Variants in GPR160 observed in about 807,000 individuals in gnomAD.
The protein encoded by GPR160 is probable G protein-coupled receptor 160.
GPR160 carries 2 observed loss-of-function variants against 2.6 expected under a neutral mutation model. The observed-to-expected ratio is 0.77, with a 90% CI of 0.32 to 2.44. GPR160 has a LOEUF of 2.44. Among genes scored for constraint, GPR160 ranks in the 30% most tolerant of loss-of-function variants. The pLI, the probability that GPR160 is intolerant of heterozygous loss-of-function variation, is 0.11. For missense variants in GPR160, 351 were observed against 383.6 expected, an observed-to-expected ratio of 0.91 and a Z score of 0.71; for synonymous variants, 130 against 132.2, an observed-to-expected ratio of 0.98 and a Z score of 0.12.
chr3:170,064,870 C>T (rs1260064830), intron 2 of GPR160, among the ~76,000 whole-genome samples: 1 of 152,110 alleles, frequency 6.6e-6, no homozygotes, highest in Non-Finnish European at 1.5e-5. Flanking sequence ...CCTGGTGTCT[C>T]CTGCCCACCC....
At chr3:170,080,048 T>C (rs1713045785) in intron 3 of GPR160, among the ~76,000 whole-genome samples, 151 bp downstream of exon 3, 2 of 152,228 alleles carry the variant, frequency 1.3e-5, no homozygotes, top group Non-Finnish European at 2.9e-5. Flanking sequence ...TGAAAAGGAC[T>C]TTCATGTTAA....
intron 2 of GPR160, among the ~76,000 whole-genome samples, chr3:170,061,907 G>GGGCCTTT (rs1453078693): frequency 6.6e-6 from 1 of 152,140 alleles, no homozygotes; most frequent in Non-Finnish European, 1.5e-5. Context: ...CCAGCACTTT[G>GGGCCTTT]GGAGGCGGAG....
intron 3 of GPR160, among the ~76,000 whole-genome samples, chr3:170,080,539 G>T (rs916682555): frequency 3.3e-5 from 5 of 152,112 alleles, no homozygotes; most frequent in Non-Finnish European, 7.3e-5. Flanking sequence ...GGTGGCTGTA[G>T]CTGATTCTCT....
chr3:170,038,147 T>G lies in GPR160; in HGVS notation c.-390T>G, dbSNP rs1223554801. ...GGGCCCTCGCCCCTCCCTCGGGCGG[T>G]CACCTGGGCACGGGCGCTGCAGGTG... On this transcript the variant is annotated 5_prime_UTR_variant, in exon 1 of 4. Coordinates refer to ENST00000355897, the MANE Select transcript of GPR160 (RefSeq NM_014373.3). This position sits in a 1 kb window ranked among gnomAD's most constrained non-coding sequence, Gnocchi z 5.3. 1.3e-5 allele frequency: 2 copies of G among 152,430 alleles called. No homozygotes were observed. The highest frequency in any genetic ancestry group is 4.8e-5 in the African/African-American group (2 of 41,346). The allele number at this position is 152,430 out of a possible 1,614,324, so 9.4% of individuals were successfully genotyped here. A position where few individuals can be genotyped will look rare whatever the true frequency, so the allele number is the denominator to read the frequency against.
chr3:170,045,629 AGTG>A (rs952209465), intron 2 of GPR160, among the ~76,000 whole-genome samples: 46 of 152,060 alleles, frequency 3.0e-4, no homozygotes, highest in African/African-American at 1.1e-3. Context: ...AAAAAAAAGA[AGTG>A]AGTTCAGAGG....
chr3:170,084,785 A>G lies in GPR160; in HGVS notation c.813A>G (p.Ala271=). 6.2e-7 allele frequency: 1 copy of G among 1,602,510 alleles called. No homozygotes were observed. ...TTTTACTTAAAGTTCAGATTCCAGC[A>G]TATATTGAGATGAATATTCCCTGGT... ...IIVLLKVQIP[A]YIEMNIPWLY... The change falls in exon 4 of 4, where the codon GCA becomes GCG. Residue 271 remains alanine (A), a synonymous_variant. Coordinates refer to ENST00000355897, the MANE Select transcript of GPR160 (RefSeq NM_014373.3).
chr3:170,056,714 A>G (rs1711661922), intron 2 of GPR160, among the ~76,000 whole-genome samples: 1 of 152,224 alleles, frequency 6.6e-6, no homozygotes, highest in Admixed American at 6.5e-5. Context: ...GGGGTACCGT[A>G]TTTATAAAAT....
chr3:170,078,828 G>A (rs532937861), intron 2 of GPR160, among the ~76,000 whole-genome samples: 4 of 152,310 alleles, frequency 2.6e-5, no homozygotes, highest in African/African-American at 7.2e-5. Context: ...AAAAAAGGGG[G>A]AGATGTAGAT....
chr3:170,062,754 A>G, intron 2 of GPR160: 1 of 960,538 alleles, frequency 1.0e-6, no homozygotes. Flanking sequence ...CCCTGTCCCA[A>G]GGAGCTCCAG....
chr3:170,075,529 G>A (rs1296604407), intron 2 of GPR160, among the ~76,000 whole-genome samples: 1 of 152,126 alleles, frequency 6.6e-6, no homozygotes, highest in Non-Finnish European at 1.5e-5. Context: ...GAATCGCCAG[G>A]GGCTTTGCTT....
At chr3:170,067,503 A>C (rs1712399618) in intron 2 of GPR160, among the ~76,000 whole-genome samples, 2 of 151,992 alleles carry the variant, frequency 1.3e-5, no homozygotes, top group Admixed American at 1.3e-4. Flanking sequence ...TAGTTTGATC[A>C]GTCCCTTAGA....
intron 2 of GPR160, chr3:170,057,571 G>C (rs1437077652): frequency 1.3e-5 from 2 of 152,240 alleles, no homozygotes; most frequent in African/African-American, 4.8e-5. Flanking sequence ...ATACCTCTAA[G>C]AAACATTGGC....
chr3:170,042,676 AAT>A (rs1491048295), intron 2 of GPR160, among the ~76,000 whole-genome samples: 27 of 146,626 alleles, frequency 1.8e-4, no homozygotes, highest in African/African-American at 6.1e-4. Context: ...AAAAAAAAAA[AAT>A]AAATAAATAA....
At chr3:170,062,732 C>T in intron 2 of GPR160, 1 of 1,197,660 alleles carries the variant, frequency 8.3e-7, no homozygotes, top group African/African-American at 1.5e-5. Context: ...GTCGCAAACT[C>T]ACGGATTTCT....
At chr3:170,072,105 C>T (rs1368722048) in intron 2 of GPR160, among the ~76,000 whole-genome samples, 2 of 120,468 alleles carry the variant, frequency 1.7e-5, no homozygotes, top group Non-Finnish European at 3.2e-5. Flanking sequence ...GGCAGATTCT[C>T]GCTTTGTCAC....
At chr3:170,069,253 A>C (rs1357692991) in intron 2 of GPR160, among the ~76,000 whole-genome samples, 2 of 152,192 alleles carry the variant, frequency 1.3e-5, no homozygotes, top group Non-Finnish European at 2.9e-5. Context: ...TTTGCAACGA[A>C]TCTATCTGTT....
chr3:170,064,613 C>T (rs986068706), intron 2 of GPR160, among the ~76,000 whole-genome samples: 18 of 150,234 alleles, frequency 1.2e-4, no homozygotes, highest in African/African-American at 4.4e-4. Context: ...CCACCTCCCG[C>T]GTTAAAGCGA....
chr3:170,044,828 C>T (rs1293824623), intron 2 of GPR160, among the ~76,000 whole-genome samples: 1 of 152,116 alleles, frequency 6.6e-6, no homozygotes, highest in African/African-American at 2.4e-5. Context: ...ATGACAAGTC[C>T]ACTTCTATAC....
intron 2 of GPR160, among the ~76,000 whole-genome samples, chr3:170,042,062 G>A (rs1433285658): frequency 6.6e-6 from 1 of 152,178 alleles, no homozygotes; most frequent in Non-Finnish European, 1.5e-5. Flanking sequence ...ATAGGAAAGA[G>A]TGTTGGCAAT....
Sources: gnomAD v4.1 joint callset for allele counts (sites outside exome capture counted in the v4.1 genomes callset) on GRCh38, gnomAD v4.1.1 for gene constraint, Gnocchi (gnomAD v3.1) non-coding constraint, MANE v1.5 for transcripts, NCBI Gene and HGNC (gene_info 2026-07-23, HGNC 2026-07-21) for gene names.